OPCML: variants seen among roughly 807,000 people sequenced by gnomAD.
The protein encoded by OPCML is opioid binding protein/cell adhesion molecule like, also known as opioid-binding protein/cell adhesion molecule.
A neutral mutation model predicts 37.8 loss-of-function variants in OPCML; 13 were observed. That is an observed-to-expected ratio of 0.34 (90% confidence interval 0.22 to 0.55). The LOEUF is 0.55. Among genes scored for constraint, OPCML ranks in the 20% least tolerant of loss-of-function variants. OPCML has a pLI of 0.91. For synonymous variants in OPCML, 176 were observed against 168.8 expected, an observed-to-expected ratio of 1.04 and a Z score of -0.33; for missense variants, 341 against 435.6, an observed-to-expected ratio of 0.78 and a Z score of 1.93.
At chr11:132,552,595 T>C (rs913693857) in intron 3 of OPCML, among the ~76,000 whole-genome samples, 1 of 152,154 alleles carries the variant, frequency 6.6e-6, no homozygotes, top group Non-Finnish European at 1.5e-5. Context: ...TAACCTTCAG[T>C]ATTCCTAAAC....
intron 1 of OPCML, among the ~76,000 whole-genome samples, chr11:133,434,237 C>T (rs924138775): frequency 6.6e-6 from 1 of 152,060 alleles, no homozygotes; most frequent in Non-Finnish European, 1.5e-5. Context: ...ATTCTGTTTC[C>T]TCTACTCAAA....
At chr11:132,726,349 A>C (rs1193841656) in intron 2 of OPCML, among the ~76,000 whole-genome samples, 1 of 152,124 alleles carries the variant, frequency 6.6e-6, no homozygotes, top group African/African-American at 2.4e-5. Context: ...TCTCCCCCTC[A>C]TAGAACCACC....
chr11:132,937,171 G>A (rs535879407), intron 2 of OPCML, among the ~76,000 whole-genome samples: 45 of 152,090 alleles, frequency 3.0e-4, no homozygotes, highest in African/African-American at 9.9e-4. Context: ...TCTTGCTGCC[G>A]GATCCCATCA....
chr11:133,100,925 T>C (rs1949076215), intron 1 of OPCML, among the ~76,000 whole-genome samples: 1 of 152,192 alleles, frequency 6.6e-6, no homozygotes, highest in Non-Finnish European at 1.5e-5. Context: ...TTTTATTTTA[T>C]TTTTATTTAT....
At chr11:133,139,860 G>A (rs1226059319) in intron 1 of OPCML, among the ~76,000 whole-genome samples, 2 of 152,080 alleles carry the variant, frequency 1.3e-5, no homozygotes, top group South Asian at 2.1e-4. Flanking sequence ...GAGGTGACTA[G>A]GGAGTCTTAA....
intron 1 of OPCML, among the ~76,000 whole-genome samples, chr11:133,229,917 A>G (rs1415954214): frequency 1.3e-5 from 2 of 152,190 alleles, no homozygotes; most frequent in Non-Finnish European, 2.9e-5. Flanking sequence ...ATGTGGCGTG[A>G]ATACATCATT....
At chr11:132,802,661 C>T (rs770153620) in intron 2 of OPCML, among the ~76,000 whole-genome samples, 14 of 152,060 alleles carry the variant, frequency 9.2e-5, no homozygotes, top group African/African-American at 2.7e-4. Context: ...ATTCACTGGA[C>T]GACTCTAGGC....
intron 2 of OPCML, among the ~76,000 whole-genome samples, chr11:132,705,600 T>G (rs2135935020): frequency 6.6e-6 from 1 of 151,782 alleles, no homozygotes; most frequent in South Asian, 2.1e-4. Context: ...TCAAAAAAAA[T>G]AAAAAGTAAA....
chr11:133,343,603 A>C (rs1209947273), intron 1 of OPCML, among the ~76,000 whole-genome samples: 2 of 152,202 alleles, frequency 1.3e-5, no homozygotes, highest in African/African-American at 4.8e-5. Flanking sequence ...ATTCACAACC[A>C]GGTTATTTAC....
intron 4 of OPCML, among the ~76,000 whole-genome samples, chr11:132,459,953 G>T (rs528991901): frequency 1.3e-5 from 2 of 152,154 alleles, no homozygotes; most frequent in African/African-American, 2.4e-5. Flanking sequence ...GAAAAGATCT[G>T]CTAGATACTC....
chr11:132,943,463 G>T lies in OPCML; in HGVS notation c.62-453C>A. ...GAGACGCTACTTTAAGATTCAGTTG[G>T]GCACGTTCTGCAGAGCTCTGGCATC... On this transcript the variant is annotated intron_variant, in intron 1 of 7. Transcript: ENST00000524381. The surrounding 1 kb of genome is among the most constrained non-coding windows in gnomAD (Gnocchi z 4.3). 3.2e-6 allele frequency: 1 copy of T among 313,282 alleles called. No homozygotes were observed. The highest frequency in any genetic ancestry group is 4.4e-5 in the South Asian group (1 of 22,738). The allele number at this position is 313,282 out of a possible 1,614,324, so 19.4% of individuals were successfully genotyped here.
chr11:132,468,391 C>A (rs1250837515), intron 4 of OPCML, among the ~76,000 whole-genome samples: 1 of 152,136 alleles, frequency 6.6e-6, no homozygotes, highest in Non-Finnish European at 1.5e-5. Flanking sequence ...TGCCTTTTTG[C>A]ATAAAATGTT....
At chr11:132,654,679 C>T (rs1363969973) in intron 3 of OPCML, among the ~76,000 whole-genome samples, 2 of 152,006 alleles carry the variant, frequency 1.3e-5, no homozygotes, top group Non-Finnish European at 2.9e-5. Context: ...GAATGTCCTC[C>T]CCAAAGGAAT....
chr11:133,480,429 G>A (rs1296905686), intron 1 of OPCML, among the ~76,000 whole-genome samples: 2 of 152,200 alleles, frequency 1.3e-5, no homozygotes, highest in African/African-American at 4.8e-5. Context: ...AGTTCAGTGA[G>A]TGTGTGCTCG....
intron 1 of OPCML, among the ~76,000 whole-genome samples, chr11:133,524,163 T>C (rs1948445598): frequency 6.6e-6 from 1 of 152,232 alleles, no homozygotes; most frequent in African/African-American, 2.4e-5. Context: ...ATGTGCTTGG[T>C]ACTGTAGAGT....
At chr11:133,193,629 T>C (rs1938414123) in intron 1 of OPCML, among the ~76,000 whole-genome samples, 3 of 152,212 alleles carry the variant, frequency 2.0e-5, no homozygotes, top group South Asian at 2.1e-4. Flanking sequence ...ACAGATTTAA[T>C]GATGATGTTT....
intron 2 of OPCML, among the ~76,000 whole-genome samples, chr11:132,909,498 A>G (rs2725466): frequency 0.3 from 45,066 of 151,998 alleles, 7,545 homozygotes; most frequent in Non-Finnish European, 0.39. Context: ...TAGGAGCTTC[A>G]AGGCCAGGTG....
chr11:132,940,660 G>A (rs1007368976), intron 2 of OPCML, among the ~76,000 whole-genome samples: 1 of 152,084 alleles, frequency 6.6e-6, no homozygotes, highest in Admixed American at 6.6e-5. Flanking sequence ...CACCAATACA[G>A]CAAAAGAGTG....
chr11:132,549,710 G>A (rs2096377151), intron 3 of OPCML, among the ~76,000 whole-genome samples: 1 of 152,206 alleles, frequency 6.6e-6, no homozygotes, highest in Admixed American at 6.5e-5. Flanking sequence ...CAAGTGTACT[G>A]TAAGAAGCAG....
Sources: allele counts gnomAD v4.1 joint callset (sites outside exome capture counted in the v4.1 genomes callset), GRCh38; gene constraint gnomAD v4.1.1; non-coding constraint Gnocchi (gnomAD v3.1); transcripts MANE v1.5; gene names NCBI Gene and HGNC (gene_info 2026-07-23, HGNC 2026-07-21).